TBC1D22A: variants seen among roughly 807,000 people sequenced by gnomAD.
The protein encoded by TBC1D22A is putative GTPase activator.
TBC1D22A carries 38 observed loss-of-function variants against 60.2 expected under a neutral mutation model. The ratio of observed to expected loss-of-function variants is 0.63; its 90% CI spans 0.49 to 0.83. The LOEUF is 0.83. TBC1D22A is among the 40% of genes least tolerant of loss of function. The pLI is 0.00. For synonymous variants in TBC1D22A, 302 were observed against 281.7 expected (o/e 1.07, Z -0.72); for missense variants, 628 against 701.0 (o/e 0.90, Z 1.18).
chr22:46,941,747 T>C (rs1321787129), intron 8 of TBC1D22A, among the ~76,000 whole-genome samples: 9 of 147,130 alleles, frequency 6.1e-5, no homozygotes, highest in Admixed American at 3.4e-4. Context: ...AATATATATA[T>C]GCGGAATATA....
intron 11 of TBC1D22A, among the ~76,000 whole-genome samples, chr22:47,109,089 A>G (rs2065749120): frequency 6.6e-6 from 1 of 152,252 alleles, no homozygotes; most frequent in African/African-American, 2.4e-5. Flanking sequence ...TTTTAGTCAT[A>G]TTAGACTCCT....
At chr22:46,870,589 C>G (rs993154623) in intron 4 of TBC1D22A, among the ~76,000 whole-genome samples, 1 of 152,202 alleles carries the variant, frequency 6.6e-6, no homozygotes, top group African/African-American at 2.4e-5. Context: ...CTGTCTTAGT[C>G]TGTTTCATGT....
rs921798977 is a variant in TBC1D22A at position 47,005,060 on chromosome 22, A to T, written c.1201+7351A>T. On this transcript the variant is annotated intron_variant, in intron 10 of 12. Coordinates refer to ENST00000337137, the MANE Select transcript of TBC1D22A (RefSeq NM_014346.5). ...CTATACACACCCACCATATACACAC[A>T]CCTGCCACATACATATACATGCATG... 2.6e-5 allele frequency among the ~76,000 whole-genome samples: 4 copies of T among 151,758 alleles called. No homozygotes were observed. The East Asian group carries it at 7.7e-4, about 29-fold the overall frequency.
At chr22:47,007,785 T>C (rs1338277105) in intron 10 of TBC1D22A, among the ~76,000 whole-genome samples, 1 of 152,070 alleles carries the variant, frequency 6.6e-6, no homozygotes, top group Non-Finnish European at 1.5e-5. Flanking sequence ...GGGATCAGGG[T>C]CCCACCCTCA....
At chr22:46,784,632 C>T (rs1257815115) in intron 1 of TBC1D22A, among the ~76,000 whole-genome samples, 1 of 152,106 alleles carries the variant, frequency 6.6e-6, no homozygotes, top group Non-Finnish European at 1.5e-5. Flanking sequence ...AAGCCTGTGG[C>T]CTGTGATAAT....
chr22:47,096,162 T>G (rs1055159896), intron 11 of TBC1D22A, among the ~76,000 whole-genome samples: 7 of 152,256 alleles, frequency 4.6e-5, no homozygotes, highest in African/African-American at 1.7e-4. Flanking sequence ...AGATCTGTTG[T>G]CTATTTCTTG....
chr22:46,843,011 T>A (rs2086837613), intron 4 of TBC1D22A, among the ~76,000 whole-genome samples: 1 of 152,100 alleles, frequency 6.6e-6, no homozygotes, highest in African/African-American at 2.4e-5. Flanking sequence ...TGTCTCTGAG[T>A]GTCTGCAGTG....
intron 8 of TBC1D22A, among the ~76,000 whole-genome samples, chr22:46,970,082 C>T (rs1248850386): frequency 6.6e-6 from 1 of 152,106 alleles, no homozygotes; most frequent in East Asian, 1.9e-4. Context: ...GCCCTCCCCA[C>T]AGCCCAGGGA....
At chr22:47,019,867 C>T (rs142818799) in intron 10 of TBC1D22A, among the ~76,000 whole-genome samples, 1 of 147,474 alleles carries the variant, frequency 6.8e-6, no homozygotes, top group South Asian at 2.2e-4. Context: ...TTCATCCTTC[C>T]CCTCTCCCTT....
intron 11 of TBC1D22A, among the ~76,000 whole-genome samples, chr22:47,104,606 A>G (rs1451997036): frequency 2.0e-5 from 3 of 151,508 alleles, no homozygotes; most frequent in Non-Finnish European, 4.4e-5. Flanking sequence ...GAGGCAGGAG[A>G]ATCGCTTGAA....
intron 1 of TBC1D22A, among the ~76,000 whole-genome samples, chr22:46,783,359 C>T (rs1378015972): frequency 6.6e-6 from 1 of 152,226 alleles, no homozygotes; most frequent in Non-Finnish European, 1.5e-5. Context: ...AGGCCACGCA[C>T]ACCTCACCTT....
chr22:46,778,732 C>T (rs2083808253), intron 1 of TBC1D22A, among the ~76,000 whole-genome samples: 1 of 151,242 alleles, frequency 6.6e-6, no homozygotes, highest in Admixed American at 6.6e-5. Flanking sequence ...AGGAACATAA[C>T]TCTAAAATAA....
Position 47,028,615 on chromosome 22 carries a change from C to T in TBC1D22A, c.1202-8456C>T, listed in dbSNP as rs1410844053. Among the ~76,000 whole-genome samples the T allele has an allele frequency of 2.0e-5, 3 of 152,202 alleles. No individual in the cohort carries two copies. Among genetic ancestry groups the T allele is most frequent in the Non-Finnish European group, 2.9e-5 (2 of 68,020 alleles). The stretch of plus-strand genomic sequence containing the variant: ...GAATCTGGTATGACCTCTTCTGTCT[C>T]GCCTGCCTGTGCATACTTAGCTGTG... On this transcript the variant is annotated intron_variant, in intron 10 of 12. Transcript: ENST00000337137. The surrounding 1 kb of genome is among the most constrained non-coding windows in gnomAD (Gnocchi z 4.4).
intron 12 of TBC1D22A, among the ~76,000 whole-genome samples, chr22:47,168,970 C>T (rs563971812): frequency 2.0e-5 from 3 of 151,942 alleles, no homozygotes; most frequent in East Asian, 1.9e-4. Flanking sequence ...GTCTGCTCTT[C>T]GGCATCGGGA....
At chr22:47,081,520 G>T (rs2064467155) in intron 11 of TBC1D22A, among the ~76,000 whole-genome samples, 2 of 152,144 alleles carry the variant, frequency 1.3e-5, no homozygotes, top group South Asian at 2.1e-4. Context: ...TGAAATAAAA[G>T]ACATGAGGAT....
At chr22:46,968,562 C>T (rs1477682574) in intron 8 of TBC1D22A, among the ~76,000 whole-genome samples, 4 of 151,014 alleles carry the variant, frequency 2.6e-5, no homozygotes, top group African/African-American at 4.9e-5. Context: ...AGTGGGAGGG[C>T]GTCCTCACTG....
chr22:47,017,048 C>T (rs1000530043), intron 10 of TBC1D22A, among the ~76,000 whole-genome samples: 3 of 152,258 alleles, frequency 2.0e-5, no homozygotes, highest in African/African-American at 7.2e-5. Flanking sequence ...AGTTGGTTTT[C>T]TGGCCGTGAG....
At chr22:47,022,698 C>T (rs2062130319) in intron 10 of TBC1D22A, among the ~76,000 whole-genome samples, 1 of 152,186 alleles carries the variant, frequency 6.6e-6, no homozygotes, top group Non-Finnish European at 1.5e-5. Flanking sequence ...AGCCTCAGAG[C>T]CCTTACAGGG....
chr22:47,163,450 C>T (rs1000000544), intron 12 of TBC1D22A, among the ~76,000 whole-genome samples: 1 of 152,252 alleles, frequency 6.6e-6, no homozygotes, highest in African/African-American at 2.4e-5. Flanking sequence ...GGCAGGGCCT[C>T]CTGGAGCACA....
Sources: gnomAD v4.1 joint callset for allele counts (sites outside exome capture counted in the v4.1 genomes callset) on GRCh38, gnomAD v4.1.1 for gene constraint, Gnocchi (gnomAD v3.1) non-coding constraint, MANE v1.5 for transcripts, NCBI Gene and HGNC (gene_info 2026-07-23, HGNC 2026-07-21) for gene names.